Variants in SNX7 observed in about 807,000 individuals in gnomAD.
SNX7 encodes sorting nexin 7.
SNX7 carries 35 observed loss-of-function variants against 48.4 expected under a neutral mutation model. The observed-to-expected ratio is 0.72, with a 90% CI of 0.55 to 0.96. The LOEUF (loss-of-function observed/expected upper bound fraction) is 0.96, where lower values mean the gene tolerates loss of function less well. SNX7 is among the 40% of genes least tolerant of loss of function. SNX7 has a pLI of 0.00. For synonymous variants in SNX7, 190 were observed against 190.2 expected, an observed-to-expected ratio of 1.00 and a Z score of 0.01; for missense variants, 553 against 548.9, an observed-to-expected ratio of 1.01 and a Z score of -0.07.
intron 1 of SNX7, among the ~76,000 whole-genome samples, chr1:98,677,920 T>A (rs930959902): frequency 6.6e-5 from 10 of 151,708 alleles, no homozygotes; most frequent in Non-Finnish European, 1.2e-4. Flanking sequence ...CATTCTAATT[T>A]GTGAACTCTT....
In SNX7 at chr1:98,695,057, A is replaced by C. The variant is rs542628611; in HGVS notation, c.640-461A>C. 1.5e-3 allele frequency among the ~76,000 whole-genome samples: 229 copies of C among 152,302 alleles called. 2 individuals are homozygous for C. Among genetic ancestry groups the C allele is most frequent in the African/African-American group, 5.2e-3 (217 of 41,562 alleles). On this transcript the variant is annotated intron_variant, in intron 4 of 8. Coordinates refer to ENST00000306121, the MANE Select transcript of SNX7 (RefSeq NM_015976.5). ...AGTGCCCAGAATGTATTAAGCTCTA[A>C]ATAAATGTTAGCTACTATTACATCT...
intron 8 of SNX7, among the ~76,000 whole-genome samples, chr1:98,743,180 T>C (rs569250249): frequency 3.5e-4 from 53 of 152,102 alleles, no homozygotes; most frequent in African/African-American, 1.1e-3. Context: ...TGAGATTCTG[T>C]TATCATCAAA....
chr1:98,747,653 T>C (rs1003607186), intron 8 of SNX7, among the ~76,000 whole-genome samples: 4 of 152,196 alleles, frequency 2.6e-5, no homozygotes, highest in East Asian at 1.9e-4. Flanking sequence ...ACACTTAATA[T>C]AGTGTCCTTT....
chr1:98,731,940 G>GT (rs1363662931), intron 7 of SNX7, among the ~76,000 whole-genome samples: 25 of 151,976 alleles, frequency 1.6e-4, no homozygotes, highest in African/African-American at 5.8e-4. Flanking sequence ...GTAATTAAAT[G>GT]TAAGTTTTCA....
intron 1 of SNX7, among the ~76,000 whole-genome samples, chr1:98,667,541 A>ATT (rs879642770): frequency 9.6e-4 from 137 of 143,086 alleles, no homozygotes; most frequent in African/African-American, 3.4e-3. Flanking sequence ...CACACCCAGC[A>ATT]TTTTTTTTTT....
At position 98,692,053 on chromosome 1, in the gene SNX7, A is replaced by C. The variant is rs555674292; in HGVS notation, c.639+354A>C. On this transcript the variant is annotated intron_variant, in intron 4 of 8. Coordinates refer to ENST00000306121, the MANE Select transcript of SNX7 (RefSeq NM_015976.5). Reference sequence around the variant, plus strand: ...ATTTCTTTCATTGACACTGTAGTTGACCCTTGAACAACATGGCGGTTAGGG... The same window carrying C: ...ATTTCTTTCATTGACACTGTAGTTGCCCCTTGAACAACATGGCGGTTAGGG... Among the ~76,000 whole-genome samples, 8 of 151,736 alleles carry C rather than the reference A, an allele frequency of 5.3e-5. No individual in the cohort carries two copies. In the South Asian group the frequency reaches 1.7e-3, roughly 32 times the overall value.
intron 1 of SNX7, among the ~76,000 whole-genome samples, chr1:98,671,698 TTCTC>T (rs1649873253): frequency 2.0e-5 from 3 of 152,290 alleles, no homozygotes; most frequent in East Asian, 1.9e-4. Flanking sequence ...AATCTCTGTT[TTCTC>T]TCTGTCATAG....
At chr1:98,691,941 T>A (rs57466492) in intron 4 of SNX7, among the ~76,000 whole-genome samples, 35,380 of 121,200 alleles carry the variant, frequency 0.29, 4,291 homozygotes, top group East Asian at 0.4. Context: ...ACACACACTC[T>A]CTCTCTCTCT....
chr1:98,741,365 C>T (rs984873008), intron 8 of SNX7, among the ~76,000 whole-genome samples: 7 of 152,020 alleles, frequency 4.6e-5, no homozygotes, highest in African/African-American at 1.7e-4. Flanking sequence ...TCATATTGTG[C>T]AATAATTGTG....
intron 1 of SNX7, among the ~76,000 whole-genome samples, chr1:98,667,461 C>T (rs1649595282): frequency 6.6e-6 from 1 of 152,110 alleles, no homozygotes; most frequent in African/African-American, 2.4e-5. Flanking sequence ...CTGCAACCTC[C>T]ACCTCCCAAG....
chr1:98,708,482 G>A (rs1222441048), intron 7 of SNX7, among the ~76,000 whole-genome samples: 2 of 152,076 alleles, frequency 1.3e-5, no homozygotes, highest in African/African-American at 2.4e-5. Context: ...GAAAAAACTG[G>A]GGCCTTTGCA....
intron 7 of SNX7, among the ~76,000 whole-genome samples, chr1:98,736,307 C>T (rs1653778423): frequency 6.6e-6 from 1 of 152,110 alleles, no homozygotes. Flanking sequence ...TAGATGGAGG[C>T]ATTCTGTTAA....
chr1:98,693,569 C>T (rs1267309095), intron 4 of SNX7, among the ~76,000 whole-genome samples: 1 of 152,174 alleles, frequency 6.6e-6, no homozygotes, highest in African/African-American at 2.4e-5. Context: ...TCAGTAACAG[C>T]TTGCCAGTTG....
intron 1 of SNX7, among the ~76,000 whole-genome samples, chr1:98,680,814 T>G (rs1046247909): frequency 1.3e-5 from 2 of 152,190 alleles, no homozygotes; most frequent in Non-Finnish European, 2.9e-5. Context: ...TTATCAGCAT[T>G]TTAGTCAAAG....
chr1:98,701,297 A>C (rs1651734716), intron 6 of SNX7, among the ~76,000 whole-genome samples: 1 of 152,146 alleles, frequency 6.6e-6, no homozygotes, highest in Non-Finnish European at 1.5e-5. Flanking sequence ...TTTGAGCTAA[A>C]ATAAAATGCT....
chr1:98,687,829 A>G (rs1055016782), intron 2 of SNX7, among the ~76,000 whole-genome samples: 5 of 152,166 alleles, frequency 3.3e-5, no homozygotes, highest in African/African-American at 1.2e-4. Flanking sequence ...GAAGCAAGAC[A>G]CATCTTACAT....
chr1:98,721,365 G>A (rs1383942663), intron 7 of SNX7, among the ~76,000 whole-genome samples: 3 of 152,110 alleles, frequency 2.0e-5, no homozygotes, highest in Non-Finnish European at 4.4e-5. Context: ...AGACATTAAA[G>A]ACAATGCATA....
intron 4 of SNX7, 78 bp downstream of exon 4, chr1:98,691,777 C>T (rs1461255541): frequency 9.1e-6 from 11 of 1,207,852 alleles, no homozygotes; most frequent in Non-Finnish European, 1.2e-5. Flanking sequence ...CTCTTGTTTA[C>T]CGTTACAAAT....
chr1:98,750,116 A>G (rs2101052247), intron 8 of SNX7, among the ~76,000 whole-genome samples: 1 of 152,118 alleles, frequency 6.6e-6, no homozygotes, highest in East Asian at 1.9e-4. Flanking sequence ...TTCTATAATA[A>G]TAAGTATCAT....
Sources: allele counts gnomAD v4.1 joint callset (sites outside exome capture counted in the v4.1 genomes callset), GRCh38; gene constraint gnomAD v4.1.1; transcripts MANE v1.5; gene names NCBI Gene and HGNC (gene_info 2026-07-23, HGNC 2026-07-21).